The following MAPK14 variants were observed in gnomAD, a reference collection of about 807,000 sequenced individuals.
MAPK14 encodes the protein mitogen-activated protein kinase 14, also known as CSAID-binding protein.
MAPK14 carries 16 observed loss-of-function variants against 49.6 expected under a neutral mutation model. That is an observed-to-expected ratio of 0.32 (90% CI 0.22 to 0.49). The LOEUF (loss-of-function observed/expected upper bound fraction) is 0.49, where lower values mean the gene tolerates loss of function less well. Among genes scored for constraint, MAPK14 ranks in the 20% least tolerant of loss-of-function variants. MAPK14 has a pLI of 0.99. For missense variants in MAPK14, 200 were observed against 441.2 expected (o/e 0.45, Z 4.90); for synonymous variants, 142 against 158.0 (o/e 0.90, Z 0.76).
In MAPK14 at chr6:36,107,678, T is replaced by A; in HGVS notation, c.1015+50T>A. 1 of 1,396,796 alleles carries A rather than the reference T, an allele frequency of 7.2e-7. No homozygotes were observed. Among genetic ancestry groups the A allele is most frequent in the Non-Finnish European group, 9.6e-7 (1 of 1,046,056 alleles). 86.5% of individuals were successfully genotyped at this position (1,396,796 alleles called of 1,614,324 possible). On this transcript the variant is annotated intron_variant, in intron 11 of 11. Coordinates refer to ENST00000229794, the MANE Select transcript of MAPK14 (RefSeq NM_139012.3). This position sits in a 1 kb window ranked among gnomAD's most constrained non-coding sequence, Gnocchi z 4.3. ...ATCTTGAACCACTAACCAAAAGCGG[T>A]GGGAAAAATAAAAACTGAATGGTCA... is the stretch of plus-strand genomic sequence containing the variant.
chr6:36,119,772 C>T, the MAPK14 span, among the ~76,000 whole-genome samples: 1 of 152,020 alleles, frequency 6.6e-6, no homozygotes, highest in Non-Finnish European at 1.5e-5. Context: ...GGACGGCCCC[C>T]ACAACGAGGA....
intron 3 of MAPK14, among the ~76,000 whole-genome samples, chr6:36,063,605 ATTG>A (rs1763918611): frequency 6.6e-6 from 1 of 152,158 alleles, no homozygotes; most frequent in African/African-American, 2.4e-5. Flanking sequence ...TGACTGAAAC[ATTG>A]TTATGTGGTA....
intron 1 of MAPK14, among the ~76,000 whole-genome samples, chr6:36,030,180 C>T (rs957614823): frequency 6.6e-6 from 1 of 152,062 alleles, no homozygotes; most frequent in Non-Finnish European, 1.5e-5. Context: ...GAATTGCTTG[C>T]AAGGGTTCGC....
chr6:36,071,915 G>A (rs1019226917), intron 3 of MAPK14, among the ~76,000 whole-genome samples: 6 of 152,020 alleles, frequency 3.9e-5, no homozygotes, highest in Non-Finnish European at 8.8e-5. Flanking sequence ...GTGTTACCCA[G>A]GCTGATCTCA....
intron 1 of MAPK14, among the ~76,000 whole-genome samples, chr6:36,049,380 C>T (rs1034121096): frequency 6.6e-6 from 1 of 152,022 alleles, no homozygotes; most frequent in Admixed American, 6.5e-5. Flanking sequence ...AATGAGCTCC[C>T]AGATAATGTC....
intron 1 of MAPK14, among the ~76,000 whole-genome samples, chr6:36,040,491 C>T (rs1374160223): frequency 1.3e-5 from 2 of 152,164 alleles, no homozygotes; most frequent in African/African-American, 2.4e-5. Flanking sequence ...CCTCTCTAAA[C>T]ATGATTTTTG....
At chr6:36,097,581 A>C in intron 9 of MAPK14, 1 of 152,154 alleles carries the variant, frequency 6.6e-6, no homozygotes, top group Non-Finnish European at 1.5e-5. Flanking sequence ...AGACCAAGCA[A>C]ATTCATTTCC....
intron 8 of MAPK14, 127 bp downstream of exon 8, chr6:36,076,735 T>C: frequency 1.8e-6 from 1 of 560,374 alleles, no homozygotes; most frequent in East Asian, 3.2e-5. Flanking sequence ...GATAATGCAT[T>C]ATGAGGTCTT....
chr6:36,066,571 G>A (rs1029558664), intron 3 of MAPK14, among the ~76,000 whole-genome samples: 1 of 152,148 alleles, frequency 6.6e-6, no homozygotes, highest in Non-Finnish European at 1.5e-5. Context: ...TGTGTCCGAA[G>A]AAACAAATAG....
the MAPK14 span, among the ~76,000 whole-genome samples, chr6:36,116,659 C>T: frequency 6.6e-5 from 10 of 152,206 alleles, no homozygotes; most frequent in Middle Eastern, 6.8e-3. Context: ...TCAGTGCACC[C>T]GCTGAGAACT....
intron 3 of MAPK14, among the ~76,000 whole-genome samples, chr6:36,063,509 GA>G (rs1267039598): frequency 2.6e-5 from 4 of 152,152 alleles, no homozygotes; most frequent in African/African-American, 9.7e-5. Context: ...AGGATCATTT[GA>G]GCCCAGGGGC....
At chr6:36,038,699 AT>A (rs35369475) in intron 1 of MAPK14, among the ~76,000 whole-genome samples, 1 of 152,128 alleles carries the variant, frequency 6.6e-6, no homozygotes, top group Non-Finnish European at 1.5e-5. Context: ...CAGAGCCAGT[AT>A]TTTTGTTGGG....
At chr6:36,105,423 G>GA (rs35560337) in intron 10 of MAPK14, among the ~76,000 whole-genome samples, 62,745 of 151,912 alleles carry the variant, frequency 0.41, 14,848 homozygotes, top group South Asian at 0.62. Context: ...GATCTTTGAG[G>GA]AATTTGTTCT....
chr6:36,067,801 C>T (rs898541660), intron 3 of MAPK14, among the ~76,000 whole-genome samples: 1 of 152,066 alleles, frequency 6.6e-6, no homozygotes, highest in Non-Finnish European at 1.5e-5. Flanking sequence ...CTTGTCTTAT[C>T]TTACTAGTAG....
chr6:36,073,702 A>G lies in MAPK14; in HGVS notation c.429A>G (p.Ser143=). ...TTTCTCTTTTGCAGTATATACATTC[A>G]GCTGACATAATTCACAGGGTATGTA... The part of the protein sequence containing the change: ...QILRGLKYIH[S]ADIIHRDLKP... The change falls in exon 5 of 12, where the codon TCA becomes TCG. Residue 143 remains serine (S), a synonymous_variant. Transcript: ENST00000229794. 6.2e-7 allele frequency: 1 copy of G among 1,612,730 alleles called. No individual in the cohort carries two copies.
intron 10 of MAPK14, among the ~76,000 whole-genome samples, chr6:36,105,862 G>A (rs1765782466): frequency 6.6e-6 from 1 of 152,108 alleles, no homozygotes; most frequent in Non-Finnish European, 1.5e-5. Context: ...AGTGATAACT[G>A]GTTATATGGC....
intron 1 of MAPK14, among the ~76,000 whole-genome samples, chr6:36,032,805 C>A (rs1031308526): frequency 6.6e-6 from 1 of 152,182 alleles, no homozygotes; most frequent in Non-Finnish European, 1.5e-5. Flanking sequence ...TTGTGCTGTG[C>A]ACTTTATCAT....
chr6:36,041,820 C>T (rs1294395072), intron 1 of MAPK14, among the ~76,000 whole-genome samples: 1 of 152,072 alleles, frequency 6.6e-6, no homozygotes, highest in Admixed American at 6.5e-5. Context: ...GGAAATTTGC[C>T]AGTCGTCCAT....
chr6:36,100,418 G>A, intron 9 of MAPK14: 1 of 642,842 alleles, frequency 1.6e-6, no homozygotes, highest in Non-Finnish European at 2.9e-6. Context: ...TTGACTTTTG[G>A]GATAAAATGT....
Sources: allele counts gnomAD v4.1 joint callset (sites outside exome capture counted in the v4.1 genomes callset), GRCh38; gene constraint gnomAD v4.1.1; non-coding constraint Gnocchi (gnomAD v3.1); transcripts MANE v1.5; gene names NCBI Gene and HGNC (gene_info 2026-07-23, HGNC 2026-07-21).